KCNIP4: variants seen among roughly 807,000 people sequenced by gnomAD.
KCNIP4 encodes the protein potassium voltage-gated channel interacting protein 4.
KCNIP4 carries 12 observed loss-of-function variants against 34.0 expected under a neutral mutation model. The ratio of observed to expected loss-of-function variants is 0.35; its 90% CI spans 0.23 to 0.57. The LOEUF (loss-of-function observed/expected upper bound fraction) is 0.57. Ranked by LOEUF, KCNIP4 falls within the 20% of genes least tolerant of loss-of-function variation. KCNIP4 has a pLI of 0.83. For synonymous variants in KCNIP4, 124 were observed against 102.2 expected (o/e 1.21, Z -1.29); for missense variants, 238 against 311.7 (o/e 0.76, Z 1.78).
At chr4:21,426,960 T>C (rs1725982695) in intron 1 of KCNIP4, among the ~76,000 whole-genome samples, 1 of 151,970 alleles carries the variant, frequency 6.6e-6, no homozygotes, top group Admixed American at 6.6e-5. Flanking sequence ...CCCATTCTCA[T>C]TAAACTTCAC....
intron 1 of KCNIP4, among the ~76,000 whole-genome samples, chr4:20,930,392 G>A (rs995961910): frequency 6.6e-6 from 1 of 151,938 alleles, no homozygotes; most frequent in East Asian, 1.9e-4. Flanking sequence ...TGTAAGATGT[G>A]AAACCATAAA....
intron 1 of KCNIP4, among the ~76,000 whole-genome samples, chr4:21,369,181 G>A (rs938252159): frequency 6.8e-6 from 1 of 147,218 alleles, no homozygotes; most frequent in Non-Finnish European, 1.5e-5. Flanking sequence ...GTAGTGTTAT[G>A]AGAATTACGT....
intron 1 of KCNIP4, among the ~76,000 whole-genome samples, chr4:20,916,985 T>TTTTA (rs1560568123): frequency 7.2e-5 from 3 of 41,384 alleles, no homozygotes; most frequent in African/African-American, 2.7e-4. Flanking sequence ...CATCTTATGT[T>TTTTA]TATATATATA....
intron 1 of KCNIP4, among the ~76,000 whole-genome samples, chr4:21,213,000 C>A (rs1332134319): frequency 1.3e-5 from 2 of 151,972 alleles, no homozygotes; most frequent in Non-Finnish European, 1.5e-5. Flanking sequence ...TTTGAAAAAG[C>A]TTTTTAGGAG....
At chr4:20,908,099 T>C (rs1727960015) in intron 1 of KCNIP4, among the ~76,000 whole-genome samples, 1 of 31,440 alleles carries the variant, frequency 3.2e-5, no homozygotes, top group South Asian at 1.1e-3. Flanking sequence ...GTCATCATTC[T>C]TTTTTTTTTT....
chr4:21,794,955 C>T (rs561521638), intron 1 of KCNIP4, among the ~76,000 whole-genome samples: 15 of 152,206 alleles, frequency 9.9e-5, no homozygotes, highest in South Asian at 4.2e-4. Flanking sequence ...AAGTTCCCTT[C>T]GTCTCTCCAG....
chr4:21,445,649 T>A (rs1727914879), intron 1 of KCNIP4, among the ~76,000 whole-genome samples: 1 of 152,168 alleles, frequency 6.6e-6, no homozygotes, highest in Non-Finnish European at 1.5e-5. Flanking sequence ...ACTTAAATGT[T>A]AGACCTAAAA....
intron 1 of KCNIP4, among the ~76,000 whole-genome samples, chr4:21,623,763 C>T (rs986999063): frequency 3.3e-5 from 5 of 151,438 alleles, no homozygotes; most frequent in African/African-American, 1.2e-4. Flanking sequence ...TACTTTCTGC[C>T]ACCTACTACT....
In KCNIP4 at chr4:21,820,283, G is replaced by A. The variant is rs945963929; in HGVS notation, c.61+128288C>T. Among the ~76,000 whole-genome samples, 186 of 127,486 alleles carry A rather than the reference G, an allele frequency of 1.5e-3. 4 individuals carry two copies. The highest frequency in any genetic ancestry group is 5.9e-3 in the African/African-American group (174 of 29,434). 83.6% of individuals were successfully genotyped at this position (127,486 alleles called of 152,430 possible). On this transcript the variant is annotated intron_variant, in intron 1 of 8. Coordinates refer to ENST00000382152, the MANE Select transcript of KCNIP4 (RefSeq NM_025221.6). ...ATGTATATCTTATGTATGTGTGTGTGTGTATATATATATATATATATATAT... is the reference window on the plus strand; with the variant it reads ...ATGTATATCTTATGTATGTGTGTGTATGTATATATATATATATATATATAT...
intron 1 of KCNIP4, among the ~76,000 whole-genome samples, chr4:21,528,211 T>C (rs2874917): frequency 0.08 from 12,212 of 152,216 alleles, 512 homozygotes; most frequent in East Asian, 0.1. Flanking sequence ...TTTAAACTAC[T>C]TTGCAGTCTC....
At chr4:21,276,039 C>A (rs1323138469) in intron 1 of KCNIP4, among the ~76,000 whole-genome samples, 13 of 152,196 alleles carry the variant, frequency 8.5e-5, no homozygotes, top group Non-Finnish European at 4.4e-5. Flanking sequence ...CCATTCTGGG[C>A]TACATGTGGC....
intron 1 of KCNIP4, among the ~76,000 whole-genome samples, chr4:21,942,710 T>C (rs958243994): frequency 2.6e-5 from 4 of 152,374 alleles, no homozygotes; most frequent in Admixed American, 6.5e-5. Flanking sequence ...GACAACGTGA[T>C]TTAATTCAAT....
chr4:21,271,385 T>C (rs184718201), intron 1 of KCNIP4, among the ~76,000 whole-genome samples: 1 of 152,318 alleles, frequency 6.6e-6, no homozygotes, highest in African/African-American at 2.4e-5. Flanking sequence ...GTAAAGACTG[T>C]TGGTGGTCAG....
chr4:21,027,159 G>A (rs1740627838), intron 1 of KCNIP4, among the ~76,000 whole-genome samples: 1 of 152,182 alleles, frequency 6.6e-6, no homozygotes, highest in Admixed American at 6.5e-5. Flanking sequence ...TAAGATGTCG[G>A]TAATGGAGGT....
chr4:21,708,278 T>C (rs1729378436), intron 1 of KCNIP4, among the ~76,000 whole-genome samples: 3 of 152,134 alleles, frequency 2.0e-5, no homozygotes, highest in Admixed American at 2.0e-4. Context: ...TCCACTTAAT[T>C]GTATTTACAC....
intron 1 of KCNIP4, among the ~76,000 whole-genome samples, chr4:21,369,371 T>C (rs754089067): frequency 4.1e-5 from 6 of 147,338 alleles, no homozygotes; most frequent in Admixed American, 3.3e-4. Context: ...GTAGGGACTT[T>C]ACACAAGTGT....
intron 1 of KCNIP4, among the ~76,000 whole-genome samples, chr4:21,688,191 C>T (rs771113828): frequency 1.6e-4 from 24 of 152,140 alleles, no homozygotes; most frequent in Admixed American, 4.6e-4. Flanking sequence ...TAAGTATTAC[C>T]GGTTGAGTAT....
intron 1 of KCNIP4, among the ~76,000 whole-genome samples, chr4:21,049,562 AT>A (rs750182703): frequency 6.6e-6 from 1 of 152,182 alleles, no homozygotes; most frequent in Admixed American, 6.5e-5. Flanking sequence ...AAGTGTTTCT[AT>A]TCTGTGAAGT....
At chr4:21,757,168 AAGG>A (rs1368906921) in intron 1 of KCNIP4, among the ~76,000 whole-genome samples, 10,714 of 48,700 alleles carry the variant, frequency 0.22, 1,569 homozygotes, top group Middle Eastern at 0.31. Flanking sequence ...AGAAAGAAAG[AAGG>A]AAGGAAGGAA....
Sources: allele counts gnomAD v4.1 joint callset (sites outside exome capture counted in the v4.1 genomes callset), GRCh38; gene constraint gnomAD v4.1.1; transcripts MANE v1.5; gene names NCBI Gene and HGNC (gene_info 2026-07-23, HGNC 2026-07-21).